The following JAKMIP2 variants were observed in gnomAD, a reference collection of about 807,000 sequenced individuals.
JAKMIP2 encodes janus kinase and microtubule interacting protein 2.
In JAKMIP2, 25 loss-of-function variants were observed where a neutral mutation model predicts 115.0. The observed-to-expected ratio is 0.22, with a 90% CI of 0.16 to 0.30. The LOEUF (loss-of-function observed/expected upper bound fraction) is 0.30. Ranked by LOEUF, JAKMIP2 falls within the 10% of genes least tolerant of loss-of-function variation. The probability of loss-of-function intolerance (pLI) is 1.00; values close to 1 mark genes in which losing one functional copy is unlikely to be tolerated. For missense variants in JAKMIP2, 642 were observed against 957.6 expected, an observed-to-expected ratio of 0.67 and a Z score of 4.35; for synonymous variants, 334 against 343.6, an observed-to-expected ratio of 0.97 and a Z score of 0.31.
intron 1 of JAKMIP2, among the ~76,000 whole-genome samples, chr5:147,719,579 A>G (rs1435283525): frequency 6.6e-6 from 1 of 152,112 alleles, no homozygotes; most frequent in Non-Finnish European, 1.5e-5. Context: ...TTCTTGTTGA[A>G]TTGATCCCTT....
chr5:147,732,794 G>C (rs12653715), intron 1 of JAKMIP2, among the ~76,000 whole-genome samples: 20,247 of 152,112 alleles, frequency 0.13, 1,987 homozygotes, highest in East Asian at 0.37. Context: ...GGGATCACAC[G>C]ATTTAAACCC....
chr5:147,601,913 T>G, intron 20 of JAKMIP2, 102 bp from the exon 21 acceptor site: 2 of 538,040 alleles, frequency 3.7e-6, no homozygotes, highest in Non-Finnish European at 6.6e-6. Flanking sequence ...GTCTAATCAC[T>G]TCACACATGA....
chr5:147,679,970 T>G (rs1037159976), intron 1 of JAKMIP2, among the ~76,000 whole-genome samples: 1 of 152,176 alleles, frequency 6.6e-6, no homozygotes, highest in Non-Finnish European at 1.5e-5. Context: ...TAGTAACAGT[T>G]AAGAGTTTGG....
intron 1 of JAKMIP2, among the ~76,000 whole-genome samples, chr5:147,707,029 T>C (rs906631821): frequency 2.0e-5 from 3 of 152,172 alleles, no homozygotes; most frequent in African/African-American, 7.2e-5. Context: ...TTGAGGGTTA[T>C]GAATCATAAA....
intron 1 of JAKMIP2, among the ~76,000 whole-genome samples, chr5:147,751,047 T>C (rs1296161250): frequency 2.0e-5 from 3 of 151,746 alleles, no homozygotes. Flanking sequence ...GTGATGGTTA[T>C]ATTTTCCCTG....
At chr5:147,634,200 A>G (rs146303903) in intron 12 of JAKMIP2, among the ~76,000 whole-genome samples, 2,539 of 152,284 alleles carry the variant, frequency 0.017, 37 homozygotes, top group Non-Finnish European at 0.027. Flanking sequence ...GTTCATTGTC[A>G]GTTCTGCCAT....
chr5:147,627,257 G>C (rs1168628401), intron 16 of JAKMIP2, among the ~76,000 whole-genome samples: 1 of 152,142 alleles, frequency 6.6e-6, no homozygotes, highest in African/African-American at 2.4e-5. Context: ...GAACACCTAA[G>C]GGGGCTTGGA....
At chr5:147,689,782 G>C (rs989894390) in intron 1 of JAKMIP2, among the ~76,000 whole-genome samples, 2 of 152,136 alleles carry the variant, frequency 1.3e-5, no homozygotes, top group African/African-American at 4.8e-5. Flanking sequence ...ACTATATGTG[G>C]CTGCAGAATA....
At chr5:147,656,606 T>C (rs538201227) in intron 3 of JAKMIP2, among the ~76,000 whole-genome samples, 1 of 152,366 alleles carries the variant, frequency 6.6e-6, no homozygotes, top group Non-Finnish European at 1.5e-5. Flanking sequence ...GTCTCCTGAA[T>C]ACAGCACGCT....
chr5:147,625,426 G>A (rs1223681098), intron 16 of JAKMIP2, among the ~76,000 whole-genome samples: 1 of 152,124 alleles, frequency 6.6e-6, no homozygotes, highest in African/African-American at 2.4e-5. Flanking sequence ...GAGGCATGCC[G>A]AGACTGGAGA....
At chr5:147,680,908 T>C (rs1760227542) in intron 1 of JAKMIP2, among the ~76,000 whole-genome samples, 2 of 152,204 alleles carry the variant, frequency 1.3e-5, no homozygotes, top group South Asian at 4.1e-4. Context: ...GAAAAATGAA[T>C]GTGAAATATT....
In JAKMIP2 at chr5:147,671,915, G is replaced by T; in HGVS notation, c.-109C>A. 1 of 1,363,368 alleles carries T rather than the reference G, an allele frequency of 7.3e-7. No homozygotes were observed. The highest frequency in any genetic ancestry group is 9.5e-7 in the Non-Finnish European group (1 of 1,049,622). The allele number at this position is 1,363,368 out of a possible 1,614,324, so 84.5% of individuals were successfully genotyped here. A position where few individuals can be genotyped will look rare whatever the true frequency, so the allele number is the denominator to read the frequency against. ...GATGTCTCAGCATCTACTGTGTGGT[G>T]CTCCTTGGTAAGGTCTCCTCAATCG... On this transcript the variant is annotated 5_prime_UTR_variant, in exon 2 of 22. Coordinates refer to ENST00000616793, the MANE Select transcript of JAKMIP2 (RefSeq NM_001270941.2).
At chr5:147,660,925 T>A (rs747988696) in intron 3 of JAKMIP2, 23 bp downstream of exon 3, 2 of 1,610,908 alleles carry the variant, frequency 1.2e-6, no homozygotes, top group Non-Finnish European at 8.5e-7. Context: ...TCTACATGGG[T>A]CTGATGGGAT....
intron 1 of JAKMIP2, among the ~76,000 whole-genome samples, chr5:147,758,654 C>A (rs945756928): frequency 6.6e-6 from 1 of 152,070 alleles, no homozygotes; most frequent in African/African-American, 2.4e-5. Flanking sequence ...CACTATATTG[C>A]CCACTGTGGC....
chr5:147,710,669 ATGT>A (rs1752743420), intron 1 of JAKMIP2, among the ~76,000 whole-genome samples: 1 of 152,212 alleles, frequency 6.6e-6, no homozygotes, highest in Admixed American at 6.5e-5. Context: ...GCATAAAGGA[ATGT>A]TGTAGTTTTA....
chr5:147,666,673 A>G (rs185496855), intron 2 of JAKMIP2, among the ~76,000 whole-genome samples: 1 of 152,352 alleles, frequency 6.6e-6, no homozygotes, highest in Admixed American at 6.5e-5. Flanking sequence ...AGCTGGCTCC[A>G]GGTAAGTTCC....
chr5:147,664,220 A>G (rs899496852), intron 2 of JAKMIP2, among the ~76,000 whole-genome samples: 3 of 152,144 alleles, frequency 2.0e-5, no homozygotes, highest in Non-Finnish European at 2.9e-5. Context: ...TTAAAGGTTC[A>G]TTTGGTGAAC....
chr5:147,770,438 G>A (rs9686110), intron 1 of JAKMIP2, among the ~76,000 whole-genome samples: 1,696 of 152,076 alleles, frequency 0.011, 61 homozygotes, highest in East Asian at 0.11. Flanking sequence ...CAAAATACCC[G>A]TTGGGTGTAC....
intron 1 of JAKMIP2, among the ~76,000 whole-genome samples, chr5:147,680,382 T>C (rs1346022371): frequency 6.6e-6 from 1 of 152,244 alleles, no homozygotes; most frequent in Non-Finnish European, 1.5e-5. Flanking sequence ...CTTGGCTTTG[T>C]AGCTGGTTCT....
Sources: allele counts gnomAD v4.1 joint callset (sites outside exome capture counted in the v4.1 genomes callset), GRCh38; gene constraint gnomAD v4.1.1; transcripts MANE v1.5; gene names NCBI Gene and HGNC (gene_info 2026-07-23, HGNC 2026-07-21).